The following MKLN1 variants were observed in gnomAD, a reference collection of about 807,000 sequenced individuals.
MKLN1 encodes the protein muskelin 1.
MKLN1 carries 18 observed loss-of-function variants against 99.0 expected under a neutral mutation model. The observed-to-expected ratio is 0.18, with a 90% CI of 0.13 to 0.27. The LOEUF (loss-of-function observed/expected upper bound fraction) is 0.27, where lower values mean the gene tolerates loss of function less well. Among genes scored for constraint, MKLN1 ranks in the 10% least tolerant of loss-of-function variants. MKLN1 has a pLI of 1.00. For missense variants in MKLN1, 621 were observed against 875.9 expected, an observed-to-expected ratio of 0.71 and a Z score of 3.67; for synonymous variants, 288 against 293.2, an observed-to-expected ratio of 0.98 and a Z score of 0.18.
rs758376514 is a variant in MKLN1 at position 131,429,169 on chromosome 7, A to G, written c.960+24A>G. ...AGGCAAGTTCTCAGACTTTTCATAC[A>G]TCTATATTACAGAAGGGGCGTAGAT... On this transcript the variant is annotated intron_variant, in intron 9 of 17. Transcript: ENST00000352689. The G allele has an allele frequency of 1.1e-5, 16 of 1,517,002 alleles. No individual in the cohort carries two copies. The Admixed American group carries it at 2.2e-4, about 21-fold the overall frequency. The allele number at this position is 1,517,002 out of a possible 1,614,324, so 94.0% of individuals were successfully genotyped here.
intron 2 of MKLN1, among the ~76,000 whole-genome samples, chr7:131,200,872 C>A (rs1046040968): frequency 6.6e-6 from 1 of 152,164 alleles, no homozygotes; most frequent in Non-Finnish European, 1.5e-5. Context: ...ACTATTGATG[C>A]TTATGTGTAT....
intron 1 of MKLN1, among the ~76,000 whole-genome samples, chr7:131,374,504 A>G (rs1230654302): frequency 6.6e-6 from 1 of 152,108 alleles, no homozygotes. Flanking sequence ...CCCCCTACAA[A>G]AGTGAGAAAC....
chr7:131,264,036 A>G (rs930108531), intron 3 of MKLN1, among the ~76,000 whole-genome samples: 1 of 152,190 alleles, frequency 6.6e-6, no homozygotes, highest in African/African-American at 2.4e-5. Flanking sequence ...GTTCAAGTTT[A>G]TCTCCCAGAG....
intron 3 of MKLN1, among the ~76,000 whole-genome samples, chr7:131,250,988 G>C (rs933885527): frequency 2.0e-5 from 3 of 151,922 alleles, no homozygotes; most frequent in African/African-American, 7.3e-5. Context: ...AAAACCTGCA[G>C]AGCTCTTCAG....
At chr7:131,137,489 GT>G (rs1319962401) in intron 1 of MKLN1, among the ~76,000 whole-genome samples, 1 of 152,216 alleles carries the variant, frequency 6.6e-6, no homozygotes, top group Non-Finnish European at 1.5e-5. Flanking sequence ...GAACATCAGA[GT>G]TGGGTAGTAG....
intron 1 of MKLN1, among the ~76,000 whole-genome samples, chr7:131,351,105 A>T (rs2895229): frequency 6.6e-6 from 1 of 151,744 alleles, no homozygotes; most frequent in Non-Finnish European, 1.5e-5. Flanking sequence ...TCCATTAGCC[A>T]GGTGTGGTGG....
chr7:131,140,596 G>C (rs890625981), intron 1 of MKLN1, among the ~76,000 whole-genome samples: 21 of 152,052 alleles, frequency 1.4e-4, no homozygotes, highest in African/African-American at 4.3e-4. Flanking sequence ...GACATGCCTG[G>C]TCCCCTTCAC....
intron 3 of MKLN1, among the ~76,000 whole-genome samples, chr7:131,274,350 G>C (rs538447069): frequency 1.3e-5 from 2 of 152,176 alleles, no homozygotes; most frequent in South Asian, 4.2e-4. Context: ...AAGGTATTCA[G>C]ATAAGATTGC....
chr7:131,395,853 T>C (rs1220792203), intron 4 of MKLN1, among the ~76,000 whole-genome samples: 1 of 151,842 alleles, frequency 6.6e-6, no homozygotes, highest in African/African-American at 2.4e-5. Flanking sequence ...TATAGGAACA[T>C]AGTATGTTCT....
At chr7:131,370,823 GTTC>G (rs1455693761) in intron 1 of MKLN1, among the ~76,000 whole-genome samples, 1 of 152,092 alleles carries the variant, frequency 6.6e-6, no homozygotes, top group Non-Finnish European at 1.5e-5. Context: ...GGAATTTATG[GTTC>G]TTCTGCTAGG....
At chr7:131,137,378 G>A (rs7790081) in intron 1 of MKLN1, among the ~76,000 whole-genome samples, 103,255 of 152,008 alleles carry the variant, frequency 0.68, 35,719 homozygotes, top group Non-Finnish European at 0.72. Context: ...TTCCACATCC[G>A]GTTGAGACAA....
At chr7:131,417,704 G>A (rs1033035000) in intron 8 of MKLN1, among the ~76,000 whole-genome samples, 5 of 152,082 alleles carry the variant, frequency 3.3e-5, no homozygotes, top group African/African-American at 1.2e-4. Flanking sequence ...AGAGCTATCT[G>A]AAACCTTTTG....
chr7:131,376,095 AATATATATATATATATATATAT>A (rs60323728), intron 2 of MKLN1, among the ~76,000 whole-genome samples: 1,139 of 108,082 alleles, frequency 0.011, 23 homozygotes, highest in Non-Finnish European at 0.016. Context: ...AATTCATGGA[AATATATATATATATATATATAT>A]ATATATATAT....
intron 3 of MKLN1, among the ~76,000 whole-genome samples, chr7:131,216,008 G>A (rs1305636913): frequency 6.6e-6 from 1 of 152,044 alleles, no homozygotes; most frequent in Non-Finnish European, 1.5e-5. Context: ...GAGTCTAGAC[G>A]CCCCATTCTA....
intron 3 of MKLN1, among the ~76,000 whole-genome samples, chr7:131,244,418 G>A (rs897719051): frequency 6.6e-6 from 1 of 152,124 alleles, no homozygotes; most frequent in Admixed American, 6.6e-5. Flanking sequence ...CTCCTCTGAA[G>A]TCTGGCCCCC....
In MKLN1 at chr7:131,300,687, CA is replaced by C. The variant is rs35187256; in HGVS notation, c.-178-74724del. On this transcript the variant is annotated intron_variant, in intron 3 of 7. Coordinates refer to the MKLN1 transcript ENST00000416992. ...GAGGTGACACAGTGAGACCCTGTCT[CA>C]AAAAAAAAAAAACAACCAAAAAGAA... 2.1e-3 allele frequency among the ~76,000 whole-genome samples: 251 copies of C among 118,676 alleles called. 1 individual carries two copies. Among genetic ancestry groups the C allele is most frequent in the African/African-American group, 6.7e-3 (204 of 30,574 alleles). 77.9% of individuals were successfully genotyped at this position (118,676 alleles called of 152,430 possible).
At chr7:131,209,602 T>A (rs1796870687) in intron 3 of MKLN1, among the ~76,000 whole-genome samples, 1 of 152,198 alleles carries the variant, frequency 6.6e-6, no homozygotes, top group African/African-American at 2.4e-5. Context: ...TGTAGAAGAC[T>A]CTGATAAATC....
intron 1 of MKLN1, among the ~76,000 whole-genome samples, chr7:131,111,769 CATAAATAAATAAATAA>C (rs56257390): frequency 3.3e-5 from 5 of 151,270 alleles, no homozygotes; most frequent in African/African-American, 4.9e-5. Flanking sequence ...AAATGAAACG[CATAAATAAATAAATAA>C]ATAAATAAAT....
intron 3 of MKLN1, among the ~76,000 whole-genome samples, chr7:131,285,520 C>G (rs1186259277): frequency 6.6e-6 from 1 of 152,214 alleles, no homozygotes; most frequent in Non-Finnish European, 1.5e-5. Flanking sequence ...CGTAATTGGA[C>G]TTGCCGAAAG....
Sources: allele counts gnomAD v4.1 joint callset (sites outside exome capture counted in the v4.1 genomes callset), GRCh38; gene constraint gnomAD v4.1.1; transcripts MANE v1.5; gene names NCBI Gene and HGNC (gene_info 2026-07-23, HGNC 2026-07-21).